The following NTN4 variants were observed in gnomAD, a reference collection of about 807,000 sequenced individuals.
NTN4 encodes netrin 4, also known as netrin-4.
Under a neutral mutation model 73.6 loss-of-function variants are expected in NTN4, and 32 were observed. The observed-to-expected ratio is 0.44, with a 90% CI of 0.33 to 0.58. The LOEUF (loss-of-function observed/expected upper bound fraction) is 0.58. NTN4 is among the 20% of genes least tolerant of loss of function. The probability of loss-of-function intolerance (pLI) is 0.04; values close to 1 mark genes in which losing one functional copy is unlikely to be tolerated. For synonymous variants in NTN4, 258 were observed against 287.5 expected, an observed-to-expected ratio of 0.90 and a Z score of 1.04; for missense variants, 654 against 798.3, an observed-to-expected ratio of 0.82 and a Z score of 2.18.
chr12:95,674,550 C>T (rs2120959802), intron 7 of NTN4, among the ~76,000 whole-genome samples: 1 of 151,376 alleles, frequency 6.6e-6, no homozygotes, highest in South Asian at 2.1e-4. Context: ...TTCTGTGGTA[C>T]TAGTTAAGGC....
At chr12:95,761,761 C>A (rs56847175) in intron 2 of NTN4, among the ~76,000 whole-genome samples, 5,173 of 152,210 alleles carry the variant, frequency 0.034, 272 homozygotes, top group East Asian at 0.28. Context: ...GTTGTGAGCA[C>A]CCAGAATAAT....
At chr12:95,721,364 T>C (rs2078646495) in intron 3 of NTN4, among the ~76,000 whole-genome samples, 1 of 152,114 alleles carries the variant, frequency 6.6e-6, no homozygotes, top group African/African-American at 2.4e-5. Flanking sequence ...GGCCCCAATT[T>C]CCCACACCTG....
chr12:95,784,766 C>CAA (rs35588650), intron 2 of NTN4, among the ~76,000 whole-genome samples: 16 of 139,118 alleles, frequency 1.2e-4, no homozygotes, highest in African/African-American at 3.4e-4. Context: ...GACTCAGTCT[C>CAA]AAAAAAAAAA....
Position 95,683,597 on chromosome 12 carries a change from T to C in NTN4, c.1295A>G (p.Asp432Gly). 6.2e-7 allele frequency: 1 copy of C among 1,614,156 alleles called. No individual in the cohort carries two copies. Among genetic ancestry groups the C allele is most frequent in the South Asian group, 1.1e-5 (1 of 91,084 alleles). ...GCCCCAGTATCCCACCATGCACCTG[T>C]CACAACGTCGCCCTGCCACCCCAGG... ...CKPGVAGRRC[D>G]RCMVGYWGFG... The change falls in exon 6 of 10, where the codon GAC (aspartate) becomes GGC (glycine). Residue 432 changes from aspartate to glycine, a missense_variant. Coordinates refer to ENST00000343702, the MANE Select transcript of NTN4 (RefSeq NM_021229.4).
chr12:95,681,246 A>AAT (rs1325074321), intron 7 of NTN4, among the ~76,000 whole-genome samples: 5 of 151,530 alleles, frequency 3.3e-5, no homozygotes, highest in Non-Finnish European at 7.4e-5. Context: ...TGAAATACTC[A>AAT]ATATATATAT....
Position 95,659,113 on chromosome 12 carries a change from C to A in NTN4, c.1860G>T (p.Met620Ile). The stretch of plus-strand genomic sequence containing the variant: ...ACTTGCACTCTCTTTTTAAAATATC[C>A]ATGACTTTTCTTCCAAGAGAAGGTT... ...HWKPSLGRKVMDILKRECK is the reference protein window; with the variant it reads ...HWKPSLGRKVIDILKRECK The change falls in exon 10 of 10, where the codon ATG becomes ATT. Residue 620 changes from methionine to isoleucine, a missense_variant. Coordinates refer to ENST00000343702, the MANE Select transcript of NTN4 (RefSeq NM_021229.4). 1.9e-6 allele frequency: 3 copies of A among 1,613,274 alleles called. No individual in the cohort carries two copies. The highest frequency in any genetic ancestry group is 2.5e-6 in the Non-Finnish European group (3 of 1,179,810).
intron 7 of NTN4, among the ~76,000 whole-genome samples, chr12:95,679,698 A>C (rs1188263092): frequency 3.9e-5 from 6 of 152,234 alleles, no homozygotes; most frequent in African/African-American, 1.4e-4. Context: ...ACAGTGCTGA[A>C]TGTGACTAGG....
intron 7 of NTN4, chr12:95,670,415 A>G (rs2078218438): frequency 3.5e-6 from 1 of 283,826 alleles, no homozygotes; most frequent in Non-Finnish European, 6.5e-6. Flanking sequence ...TGATGTTGTG[A>G]TAAATACAGT....
intron 2 of NTN4, among the ~76,000 whole-genome samples, chr12:95,786,355 A>G (rs2079167356): frequency 1.3e-5 from 2 of 152,200 alleles, no homozygotes; most frequent in South Asian, 4.1e-4. Context: ...TAGAAATTGG[A>G]TCAGTAGCTA....
intron 8 of NTN4, among the ~76,000 whole-genome samples, chr12:95,669,205 C>CA (rs199756675): frequency 0.06 from 7,834 of 131,266 alleles, 357 homozygotes; most frequent in East Asian, 0.31. Context: ...GAGACTCTGT[C>CA]TAAAAAAAAA....
At chr12:95,690,468 T>C (rs1328207296) in intron 5 of NTN4, among the ~76,000 whole-genome samples, 4 of 152,362 alleles carry the variant, frequency 2.6e-5, no homozygotes, top group African/African-American at 7.2e-5. Context: ...TTTATATTCA[T>C]ACAGTTATGA....
intron 2 of NTN4, among the ~76,000 whole-genome samples, chr12:95,769,317 A>G (rs1432299323): frequency 6.6e-6 from 1 of 152,216 alleles, no homozygotes; most frequent in East Asian, 1.9e-4. Flanking sequence ...AGAGAAAATC[A>G]TGGGGGCAAG....
At chr12:95,765,223 A>G (rs1274277930) in intron 2 of NTN4, among the ~76,000 whole-genome samples, 1 of 152,260 alleles carries the variant, frequency 6.6e-6, no homozygotes, top group Non-Finnish European at 1.5e-5. Context: ...AAGAATTTGT[A>G]AAGTCTCAAT....
chr12:95,775,501 A>G (rs1036997806), intron 2 of NTN4, among the ~76,000 whole-genome samples: 16 of 152,216 alleles, frequency 1.1e-4, no homozygotes, highest in East Asian at 3.9e-4. Flanking sequence ...CGCTTTTCCA[A>G]TGGTCTTAGC....
At position 95,705,705 on chromosome 12, in the gene NTN4, C is replaced by T. The variant is rs566867385; in HGVS notation, c.1180+4736G>A. Among the ~76,000 whole-genome samples the T allele has an allele frequency of 3.9e-5, 6 of 152,270 alleles. No homozygotes were observed. In the South Asian group the frequency reaches 1.2e-3, roughly 32 times the overall value. On this transcript the variant is annotated intron_variant, in intron 5 of 9. Coordinates refer to ENST00000343702, the MANE Select transcript of NTN4 (RefSeq NM_021229.4). Reference sequence around the variant, plus strand: ...ATGTGCTCCCCTCCACACTCCGTAACACAATACTTATTATACTTCTGTGTA... The same window carrying T: ...ATGTGCTCCCCTCCACACTCCGTAATACAATACTTATTATACTTCTGTGTA...
In NTN4 at chr12:95,781,374, T is replaced by A. The variant is rs1374086220; in HGVS notation, c.585+5565A>T. 2.0e-5 allele frequency among the ~76,000 whole-genome samples: 3 copies of A among 152,214 alleles called. No individual in the cohort carries two copies. Among genetic ancestry groups the A allele is most frequent in the African/African-American group, 4.8e-5 (2 of 41,444 alleles). ...CTTAATTATAGGTTTTGTTCACTCA[T>A]GAAAACTTGCCAGGAACTCATAGTC... is the stretch of plus-strand genomic sequence containing the variant. On this transcript the variant is annotated intron_variant, in intron 2 of 9. Transcript: ENST00000343702. The surrounding 1 kb of genome is among the most constrained non-coding windows in gnomAD (Gnocchi z 4.1).
chr12:95,687,632 G>A lies in NTN4; in HGVS notation c.1181-3921C>T, dbSNP rs150388345. Reference sequence around the variant, plus strand: ...GCCAGGCTGGTCTCGAACTCCTGACGTCAAGTGATCTGCCTGAGTCAGCCT... The same window carrying A: ...GCCAGGCTGGTCTCGAACTCCTGACATCAAGTGATCTGCCTGAGTCAGCCT... On this transcript the variant is annotated intron_variant, in intron 5 of 9. Transcript: ENST00000343702. 3.2e-3 allele frequency among the ~76,000 whole-genome samples: 492 copies of A among 151,972 alleles called. 5 individuals are homozygous for A. In the East Asian group the frequency reaches 0.039, roughly 12 times the overall value.
intron 2 of NTN4, among the ~76,000 whole-genome samples, chr12:95,764,677 A>G (rs1341014803): frequency 2.9e-5 from 2 of 67,948 alleles, no homozygotes; most frequent in Admixed American, 2.0e-4. Context: ...CGCCCCGACC[A>G]AAAAAAAAAA....
At chr12:95,743,331 T>G (rs2078839800) in intron 2 of NTN4, among the ~76,000 whole-genome samples, 1 of 152,212 alleles carries the variant, frequency 6.6e-6, no homozygotes, top group Admixed American at 6.5e-5. Flanking sequence ...TTATTTACTT[T>G]CTTCTGCTTA....
Sources: allele counts gnomAD v4.1 joint callset (sites outside exome capture counted in the v4.1 genomes callset), GRCh38; gene constraint gnomAD v4.1.1; non-coding constraint Gnocchi (gnomAD v3.1); transcripts MANE v1.5; gene names NCBI Gene and HGNC (gene_info 2026-07-23, HGNC 2026-07-21).